The following ENTREP2 variants were observed in gnomAD, a reference collection of about 807,000 sequenced individuals.
The protein encoded by ENTREP2 is protein ENTREP2.
the ENTREP2 span, among the ~76,000 whole-genome samples, chr15:29,260,923 T>C: frequency 6.6e-6 from 1 of 152,198 alleles, no homozygotes; most frequent in Admixed American, 6.5e-5. Flanking sequence ...GAGATAATGA[T>C]GCTAAACCTG....
At chr15:29,522,924 A>G in the ENTREP2 span, among the ~76,000 whole-genome samples, 6 of 152,232 alleles carry the variant, frequency 3.9e-5, no homozygotes, top group Non-Finnish European at 8.8e-5. Context: ...AGGCTAACCA[A>G]AAAGCTTAAA....
At chr15:29,455,698 G>C in the ENTREP2 span, among the ~76,000 whole-genome samples, 3 of 152,180 alleles carry the variant, frequency 2.0e-5, no homozygotes, top group Admixed American at 1.3e-4. Context: ...GGCCTGTTAG[G>C]AATCAGGCCG....
At chr15:29,364,640 G>A in the ENTREP2 span, among the ~76,000 whole-genome samples, 1 of 152,130 alleles carries the variant, frequency 6.6e-6, no homozygotes, top group Admixed American at 6.5e-5. Flanking sequence ...AACTGGTGTG[G>A]GAGACAGAGA....
the ENTREP2 span, among the ~76,000 whole-genome samples, chr15:29,397,554 G>A: frequency 6.6e-6 from 1 of 152,152 alleles, no homozygotes; most frequent in Non-Finnish European, 1.5e-5. Context: ...ATCATTAAGA[G>A]GTGCGATGCT....
chr15:29,342,177 C>T, the ENTREP2 span, among the ~76,000 whole-genome samples: 2 of 152,150 alleles, frequency 1.3e-5, no homozygotes, highest in African/African-American at 4.8e-5. Context: ...AAGAGGTGGC[C>T]ATACAGATGG....
the ENTREP2 span, among the ~76,000 whole-genome samples, chr15:29,184,534 C>T: frequency 6.6e-6 from 1 of 152,174 alleles, no homozygotes; most frequent in African/African-American, 2.4e-5. Context: ...GTTGAGTCTG[C>T]AGCTCAGCCC....
the ENTREP2 span, chr15:29,265,764 T>A: frequency 6.6e-6 from 1 of 152,168 alleles, no homozygotes. Flanking sequence ...CATAAATCAG[T>A]GTGGAAAGTA....
At chr15:29,482,473 T>C in the ENTREP2 span, among the ~76,000 whole-genome samples, 2 of 152,188 alleles carry the variant, frequency 1.3e-5, no homozygotes, top group African/African-American at 2.4e-5. Flanking sequence ...ACAGTTTCAC[T>C]GCTCTCTGTG....
the ENTREP2 span, among the ~76,000 whole-genome samples, chr15:29,187,203 T>C: frequency 1.3e-5 from 2 of 152,326 alleles, no homozygotes; most frequent in South Asian, 4.1e-4. Context: ...TCTAAGTTAA[T>C]ATTTTAATTT....
the ENTREP2 span, among the ~76,000 whole-genome samples, chr15:29,167,506 T>C: frequency 1.6e-3 from 247 of 152,064 alleles, no homozygotes; most frequent in African/African-American, 5.7e-3. Context: ...AAGAGTGGGC[T>C]GACATGAACA....
At chr15:29,647,824 G>A in the ENTREP2 span, among the ~76,000 whole-genome samples, 1 of 152,036 alleles carries the variant, frequency 6.6e-6, no homozygotes, top group African/African-American at 2.4e-5. Context: ...AGCCTCAAAG[G>A]AAAAATGACC....
the ENTREP2 span, among the ~76,000 whole-genome samples, chr15:29,217,266 G>A: frequency 1.3e-5 from 2 of 152,148 alleles, no homozygotes; most frequent in African/African-American, 4.8e-5. Context: ...CTTGAGGAAG[G>A]GGCTGCCAGT....
At chr15:29,422,128 T>C in the ENTREP2 span, among the ~76,000 whole-genome samples, 26 of 151,904 alleles carry the variant, frequency 1.7e-4, no homozygotes, top group Non-Finnish European at 2.6e-4. Context: ...AATTTAGCCA[T>C]GCATGGTGGT....
chr15:29,257,362 C>A, the ENTREP2 span, among the ~76,000 whole-genome samples: 1 of 152,132 alleles, frequency 6.6e-6, no homozygotes, highest in African/African-American at 2.4e-5. Flanking sequence ...CGTGAGCCAC[C>A]GCGCCAGGCC....
At chr15:29,373,176 A>T in the ENTREP2 span, among the ~76,000 whole-genome samples, 2 of 151,998 alleles carry the variant, frequency 1.3e-5, no homozygotes, top group African/African-American at 4.8e-5. Context: ...AAATAAAAAG[A>T]AAAAATAAAA....
chr15:29,613,273 T>C, the ENTREP2 span: 391 of 177,436 alleles, frequency 2.2e-3, 1 homozygote, highest in Non-Finnish European at 3.5e-3. Flanking sequence ...CATCGGGTAG[T>C]GAGCACTTTT....
the ENTREP2 span, among the ~76,000 whole-genome samples, chr15:29,619,638 T>C: frequency 6.6e-6 from 1 of 152,016 alleles, no homozygotes; most frequent in Non-Finnish European, 1.5e-5. Flanking sequence ...ACCTGTCTCA[T>C]TGCAGTAGTG....
chr15:29,242,643 C>G, the ENTREP2 span, among the ~76,000 whole-genome samples: 2 of 152,316 alleles, frequency 1.3e-5, no homozygotes, highest in Admixed American at 6.5e-5. Context: ...TCACATGCTC[C>G]CCTCCAGGAA....
At chr15:29,280,230 C>A in the ENTREP2 span, among the ~76,000 whole-genome samples, 1 of 152,210 alleles carries the variant, frequency 6.6e-6, no homozygotes. Flanking sequence ...ATAGTGACAA[C>A]TCCACTAGGA....
Sources: allele counts gnomAD v4.1 joint callset (sites outside exome capture counted in the v4.1 genomes callset), GRCh38; gene constraint gnomAD v4.1.1; transcripts MANE v1.5; gene names NCBI Gene and HGNC (gene_info 2026-07-23, HGNC 2026-07-21).